Variants in MCPH1 observed in about 807,000 individuals in gnomAD.
MCPH1 encodes microcephalin.
In MCPH1, 104 loss-of-function variants were observed where a neutral mutation model predicts 84.5. That is an observed-to-expected ratio of 1.23 (90% confidence interval 1.05 to 1.45). The LOEUF (loss-of-function observed/expected upper bound fraction) is 1.45. MCPH1 is among the 40% of genes most tolerant of loss of function. The pLI, the probability that MCPH1 is intolerant of heterozygous loss-of-function variation, is 0.00. For synonymous variants in MCPH1, 514 were observed against 366.8 expected (o/e 1.40, Z -4.58); for missense variants, 1,498 against 1,005.7 (o/e 1.49, Z -6.62).
intron 13 of MCPH1, chr8:6,625,997 A>G: frequency 1.0e-6 from 1 of 985,232 alleles, no homozygotes. Context: ...TGGGTACTGA[A>G]ACGACAGCTC....
chr8:6,419,284 G>A (rs533999661), intron 3 of MCPH1, among the ~76,000 whole-genome samples: 2 of 152,006 alleles, frequency 1.3e-5, no homozygotes, highest in Admixed American at 1.3e-4. Flanking sequence ...CAATGACTCA[G>A]TTGCAGCTTA....
rs934693453 is a variant in MCPH1 at position 6,427,859 on chromosome 8, C to G, written c.234-3640C>G. 9.3e-5 allele frequency among the ~76,000 whole-genome samples: 14 copies of G among 150,766 alleles called. No homozygotes were observed. In the East Asian group the frequency reaches 2.3e-3, roughly 25 times the overall value. ...CCAGACTGGAGTGCAGTGGCGTGATCTCGGCTCACTGCAACCTCTGCCTCC... is the reference window on the plus strand; with the variant it reads ...CCAGACTGGAGTGCAGTGGCGTGATGTCGGCTCACTGCAACCTCTGCCTCC... On this transcript the variant is annotated intron_variant, in intron 3 of 13. Transcript: ENST00000344683.
At chr8:6,474,259 C>G in intron 9 of MCPH1, 1 of 577,774 alleles carries the variant, frequency 1.7e-6, no homozygotes, top group South Asian at 1.9e-5. Context: ...CTAAATCACC[C>G]ACATTAATGT....
rs144460738 is a variant in MCPH1, at chr8:6,542,070, G to C, written c.2214+42141G>C. 4.6e-3 allele frequency among the ~76,000 whole-genome samples: 695 copies of C among 151,484 alleles called. 6 individuals are homozygous for C. Among genetic ancestry groups the C allele is most frequent in the South Asian group, 0.027 (129 of 4,774 alleles). ...TACAAATAGAAGCAGTTAAAATTTAGCTCTAGGAATGAGATTGATGCATTT... is the reference window on the plus strand; with the variant it reads ...TACAAATAGAAGCAGTTAAAATTTACCTCTAGGAATGAGATTGATGCATTT... On this transcript the variant is annotated intron_variant, in intron 12 of 13. Coordinates refer to ENST00000344683, the MANE Select transcript of MCPH1 (RefSeq NM_024596.5).
intron 12 of MCPH1, among the ~76,000 whole-genome samples, chr8:6,531,020 A>G (rs2515476): frequency 0.19 from 28,209 of 152,028 alleles, 3,274 homozygotes; most frequent in African/African-American, 0.33. Flanking sequence ...AGTATTCCTT[A>G]TAGCCCAGAG....
chr8:6,625,776 C>T, intron 13 of MCPH1: 24 of 981,852 alleles, frequency 2.4e-5, no homozygotes, highest in Non-Finnish European at 2.9e-5. Context: ...AGAGCAAGAC[C>T]CCATCTCTAA....
intron 12 of MCPH1, among the ~76,000 whole-genome samples, chr8:6,538,068 G>A (rs189767805): frequency 3.4e-4 from 52 of 152,122 alleles, no homozygotes; most frequent in African/African-American, 8.2e-4. Flanking sequence ...TTTCAATTTC[G>A]AAATAGGATT....
Position 6,621,586 on chromosome 8 carries a change from G to T in MCPH1, c.2347G>T (p.Gly783Ter). 6.2e-7 allele frequency: 1 copy of T among 1,614,232 alleles called. No individual in the cohort carries two copies. The highest frequency in any genetic ancestry group is 1.3e-5 in the African/African-American group (1 of 75,058). The part of the protein sequence containing the change: ...AKLCELVHLC[G>*]GRVSQVPRQA... ...GCTCTGTGAACTAGTCCACCTGTGC[G>T]GAGGCCGGGTCAGCCAAGTCCCCCG... Residue 783 changes from glycine (G) to a stop codon, truncating the protein, a stop_gained, in exon 13 of 14, where the codon GGA (glycine) becomes TGA (stop). Coordinates refer to ENST00000344683, the MANE Select transcript of MCPH1 (RefSeq NM_024596.5). LOFTEE classifies it high-confidence loss of function.
At chr8:6,486,946 A>G (rs1416664057) in intron 11 of MCPH1, among the ~76,000 whole-genome samples, 3 of 152,188 alleles carry the variant, frequency 2.0e-5, no homozygotes, top group African/African-American at 4.8e-5. Context: ...CTAAAATTCT[A>G]CTTTCCCTCG....
At chr8:6,535,863 C>T (rs1390122575) in intron 12 of MCPH1, among the ~76,000 whole-genome samples, 1 of 149,308 alleles carries the variant, frequency 6.7e-6, no homozygotes, top group Non-Finnish European at 1.5e-5. Context: ...GGCTGAGTAA[C>T]ATGGTGAAAC....
At chr8:6,490,641 T>C (rs1015642861) in intron 11 of MCPH1, among the ~76,000 whole-genome samples, 6 of 152,222 alleles carry the variant, frequency 3.9e-5, no homozygotes, top group Non-Finnish European at 8.8e-5. Flanking sequence ...ATACTTTTGA[T>C]GTATGATCCA....
intron 13 of MCPH1, among the ~76,000 whole-genome samples, chr8:6,629,773 G>A (rs550182513): frequency 6.6e-6 from 1 of 152,354 alleles, no homozygotes; most frequent in Non-Finnish European, 1.5e-5. Context: ...TAGACAGCAG[G>A]AAACTGAGGG....
At chr8:6,547,248 C>G (rs980141321) in intron 12 of MCPH1, among the ~76,000 whole-genome samples, 28 of 152,154 alleles carry the variant, frequency 1.8e-4, no homozygotes, top group African/African-American at 6.5e-4. Flanking sequence ...CACAGCAATT[C>G]GGGAAGTAAA....
At chr8:6,466,893 C>A (rs529121312) in intron 9 of MCPH1, among the ~76,000 whole-genome samples, 1 of 152,186 alleles carries the variant, frequency 6.6e-6, no homozygotes, top group Non-Finnish European at 1.5e-5. Context: ...ATATTTATTT[C>A]TTTGCCTTTC....
intron 11 of MCPH1, among the ~76,000 whole-genome samples, chr8:6,492,541 C>T (rs1810740080): frequency 6.6e-6 from 1 of 151,584 alleles, no homozygotes; most frequent in Non-Finnish European, 1.5e-5. Context: ...GACATGAAGT[C>T]CTTGTCCATG....
intron 5 of MCPH1, 147 bp downstream of exon 5, chr8:6,436,309 G>C (rs1802630824): frequency 3.4e-6 from 3 of 887,756 alleles, no homozygotes; most frequent in Non-Finnish European, 3.3e-6. Context: ...AATGTCAGGA[G>C]CCTGCGGGAG....
Position 6,480,710 on chromosome 8 carries a change from A to C in MCPH1, c.1974-4A>C. 1 of 1,614,114 alleles carries C rather than the reference A, an allele frequency of 6.2e-7. No individual in the cohort carries two copies. The highest frequency in any genetic ancestry group is 1.3e-5 in the African/African-American group (1 of 75,036). On this transcript the variant is annotated splice_region_variant and splice_polypyrimidine_tract_variant and intron_variant, in intron 10 of 13. Transcript: ENST00000344683. The stretch of plus-strand genomic sequence containing the variant: ...TTTTGTTAATTTTTCCCCCGATTTG[A>C]CAGAAAGCAGAATGTCGTCATCCAG...
Position 6,475,721 on chromosome 8 carries a change from G to GCCAGGGCATTGTCCAAGCAGGTTT in MCPH1, c.1936-1870_1936-1847dup, listed in dbSNP as rs1209143375. Among the ~76,000 whole-genome samples the GCCAGGGCATTGTCCAAGCAGGTTT allele has an allele frequency of 2.6e-5, 4 of 152,274 alleles. No homozygotes were observed. The East Asian group carries it at 7.7e-4, about 29-fold the overall frequency. On this transcript the variant is annotated intron_variant, in intron 9 of 13. Coordinates refer to ENST00000344683, the MANE Select transcript of MCPH1 (RefSeq NM_024596.5). Reference sequence around the variant, plus strand: ...CCATGGGCCACCACCTTTACTGGGGGCCAGGGCATTGTCCAAGCAGGTTTC... The same window carrying GCCAGGGCATTGTCCAAGCAGGTTT: ...CCATGGGCCACCACCTTTACTGGGGGCCAGGGCATTGTCCAAGCAGGTTTCCAGGGCATTGTCCAAGCAGGTTTC...
At chr8:6,499,088 AAATAAATAAATAAAAT>A (rs1811653787) in intron 11 of MCPH1, among the ~76,000 whole-genome samples, 1 of 139,884 alleles carries the variant, frequency 7.1e-6, no homozygotes, top group Non-Finnish European at 1.6e-5. Flanking sequence ...ATAAATAAAT[AAATAAATAAATAAAAT>A]AAACATGAAT....
Sources: gnomAD v4.1 joint callset for allele counts (sites outside exome capture counted in the v4.1 genomes callset) on GRCh38, gnomAD v4.1.1 for gene constraint, MANE v1.5 for transcripts, NCBI Gene and HGNC (gene_info 2026-07-23, HGNC 2026-07-21) for gene names.